PTPRD: variants seen among roughly 807,000 people sequenced by gnomAD.
PTPRD encodes the protein protein tyrosine phosphatase receptor type D, also known as receptor-type tyrosine-protein phosphatase delta.
A neutral mutation model predicts 214.5 loss-of-function variants in PTPRD; 34 were observed. The observed-to-expected ratio is 0.16, with a 90% CI of 0.12 to 0.21. PTPRD has a LOEUF of 0.21. Ranked by LOEUF, PTPRD falls within the 10% of genes least tolerant of loss-of-function variation. The probability of loss-of-function intolerance (pLI) is 1.00; values close to 1 mark genes in which losing one functional copy is unlikely to be tolerated. For synonymous variants in PTPRD, 1,128 were observed against 845.7 expected (o/e 1.33, Z -5.79); for missense variants, 2,545 against 2,398.7 (o/e 1.06, Z -1.27).
chr9:9,810,128 C>A, intron 5 of PTPRD, among the ~76,000 whole-genome samples: 1 of 46,160 alleles, frequency 2.2e-5, no homozygotes. Context: ...GATCTACTTC[C>A]AGGTTAAAAA....
chr9:9,934,269 A>T (rs2088165477), intron 5 of PTPRD, among the ~76,000 whole-genome samples: 1 of 145,718 alleles, frequency 6.9e-6, no homozygotes, highest in Non-Finnish European at 1.5e-5. Flanking sequence ...AAAACCCTTC[A>T]AAAAAATCAA....
chr9:8,584,578 T>A (rs2093478757), intron 14 of PTPRD, among the ~76,000 whole-genome samples: 1 of 152,334 alleles, frequency 6.6e-6, no homozygotes, highest in East Asian at 1.9e-4. Flanking sequence ...AGGAAATCTA[T>A]CATTCATGCA....
chr9:10,374,779 T>C (rs1350853018), intron 2 of PTPRD, among the ~76,000 whole-genome samples: 3 of 152,096 alleles, frequency 2.0e-5, no homozygotes, highest in African/African-American at 7.2e-5. Flanking sequence ...AATATACTTC[T>C]TCTGTAATCA....
At chr9:9,264,379 G>A (rs980512502) in intron 9 of PTPRD, among the ~76,000 whole-genome samples, 16 of 151,508 alleles carry the variant, frequency 1.1e-4, no homozygotes, top group African/African-American at 3.9e-4. Flanking sequence ...AAGAATACCA[G>A]GATTGAAGTA....
chr9:8,678,430 A>T (rs1042258543), intron 12 of PTPRD, among the ~76,000 whole-genome samples: 5 of 152,292 alleles, frequency 3.3e-5, no homozygotes, highest in African/African-American at 1.2e-4. Flanking sequence ...TCATAATCTA[A>T]GGAGATGAGA....
At chr9:9,773,776 T>A (rs1308721096) in intron 5 of PTPRD, among the ~76,000 whole-genome samples, 1 of 152,094 alleles carries the variant, frequency 6.6e-6, no homozygotes, top group African/African-American at 2.4e-5. Flanking sequence ...CATTCCAACA[T>A]CCAATTCTTT....
intron 11 of PTPRD, among the ~76,000 whole-genome samples, chr9:8,817,728 C>G (rs1445528533): frequency 6.6e-6 from 1 of 152,192 alleles, no homozygotes; most frequent in Non-Finnish European, 1.5e-5. Context: ...AATAAGCATA[C>G]TGATTATGGG....
At chr9:9,175,728 C>T (rs1166050675) in intron 10 of PTPRD, among the ~76,000 whole-genome samples, 4 of 151,572 alleles carry the variant, frequency 2.6e-5, no homozygotes, top group East Asian at 3.9e-4. Context: ...TTGTGTGATC[C>T]GATTGTATTA....
At chr9:8,778,469 G>T (rs1471829919) in intron 11 of PTPRD, among the ~76,000 whole-genome samples, 1 of 152,120 alleles carries the variant, frequency 6.6e-6, no homozygotes, top group Non-Finnish European at 1.5e-5. Flanking sequence ...ACCGTGTCTG[G>T]ACAGATTACT....
chr9:9,888,348 T>C (rs918009417), intron 5 of PTPRD, among the ~76,000 whole-genome samples: 3 of 152,180 alleles, frequency 2.0e-5, no homozygotes, highest in Non-Finnish European at 4.4e-5. Flanking sequence ...AGACAAGATA[T>C]AGAGGACTAC....
chr9:8,841,648 A>C (rs910419394), intron 11 of PTPRD, among the ~76,000 whole-genome samples: 1 of 152,098 alleles, frequency 6.6e-6, no homozygotes, highest in Non-Finnish European at 1.5e-5. Flanking sequence ...ACCTTTCAGA[A>C]ACCTGTTTTT....
At chr9:8,992,562 G>A (rs1015387229) in intron 11 of PTPRD, among the ~76,000 whole-genome samples, 3 of 152,084 alleles carry the variant, frequency 2.0e-5, no homozygotes, top group African/African-American at 4.8e-5. Flanking sequence ...TTAGCACAAC[G>A]AATATTAGGC....
chr9:9,093,811 GA>G (rs1024673711), intron 10 of PTPRD, among the ~76,000 whole-genome samples: 5 of 150,704 alleles, frequency 3.3e-5, no homozygotes, highest in Non-Finnish European at 7.4e-5. Context: ...GCAGAAGGAA[GA>G]AAATAAAGAG....
intron 3 of PTPRD, among the ~76,000 whole-genome samples, chr9:10,050,384 A>G (rs2097507666): frequency 6.6e-6 from 1 of 151,336 alleles, no homozygotes. Context: ...ATGGTGAAAC[A>G]TCATCTTTAC....
chr9:8,918,851 C>T lies in PTPRD; in HGVS notation c.-104+99846G>A, dbSNP rs117763035. Among the ~76,000 whole-genome samples, 1,059 of 152,138 alleles carry T rather than the reference C, an allele frequency of 7.0e-3. 3 individuals are homozygous for T. Among genetic ancestry groups the T allele is most frequent in the Non-Finnish European group, 0.011 (781 of 68,004 alleles). ...GATTGTATTACTATGGCCATTTGCA[C>T]GGGCTAATTTCTATCTAGTACAAGT... On this transcript the variant is annotated intron_variant, in intron 11 of 45. Coordinates refer to ENST00000381196, the MANE Select transcript of PTPRD (RefSeq NM_002839.4).
Position 10,120,025 on chromosome 9 carries a change from T to G in PTPRD, c.-544-86235A>C, listed in dbSNP as rs538080433. ...AAATCTCAGGATAGTGATAGAAACTTAGCTTTATGTAGCATGAAAGGTAAT... is the reference window on the plus strand; with the variant it reads ...AAATCTCAGGATAGTGATAGAAACTGAGCTTTATGTAGCATGAAAGGTAAT... On this transcript the variant is annotated intron_variant, in intron 3 of 45. Coordinates refer to ENST00000381196, the MANE Select transcript of PTPRD (RefSeq NM_002839.4). Among the ~76,000 whole-genome samples the G allele has an allele frequency of 5.3e-5, 8 of 152,150 alleles. No homozygotes were observed. In the South Asian group the frequency reaches 1.7e-3, roughly 32 times the overall value.
At chr9:8,507,145 G>C (rs369466405) in intron 22 of PTPRD, among the ~76,000 whole-genome samples, 156 bp downstream of exon 22, 2 of 152,116 alleles carry the variant, frequency 1.3e-5, no homozygotes, top group South Asian at 4.2e-4. Context: ...TTTTTCTTGG[G>C]GGGGAGGGGG....
rs115653444 is a variant in PTPRD, at chr9:8,473,369, G to A, written c.3414-2284C>T. Among the ~76,000 whole-genome samples, 924 of 152,210 alleles carry A rather than the reference G, an allele frequency of 6.1e-3. 10 individuals are homozygous for A. The highest frequency in any genetic ancestry group is 0.021 in the African/African-American group (857 of 41,528). ...TCCAGAGTAAGCTTCCCCCTCTCCT[G>A]TCCTCCCACCATCTGAAGGATTTAC... On this transcript the variant is annotated intron_variant, in intron 30 of 45. Transcript: ENST00000381196.
chr9:10,024,153 T>G (rs983612461), intron 4 of PTPRD, among the ~76,000 whole-genome samples: 1 of 152,138 alleles, frequency 6.6e-6, no homozygotes, highest in Admixed American at 6.5e-5. Flanking sequence ...AACAAATGTT[T>G]CAGTAATGTA....
Sources: allele counts gnomAD v4.1 joint callset (sites outside exome capture counted in the v4.1 genomes callset), GRCh38; gene constraint gnomAD v4.1.1; transcripts MANE v1.5; gene names NCBI Gene and HGNC (gene_info 2026-07-23, HGNC 2026-07-21).